Variants in MED14 observed in about 807,000 individuals in gnomAD.
MED14 encodes the protein mediator of RNA polymerase II transcription subunit 14.
In MED14, 8 loss-of-function variants were observed where a neutral mutation model predicts 109.0. That is an observed-to-expected ratio of 0.07 (90% CI 0.04 to 0.13). MED14 has a LOEUF of 0.13. Among genes scored for constraint, MED14 ranks in the 10% least tolerant of loss-of-function variants. MED14 has a pLI of 1.00. For missense variants in MED14, 711 were observed against 1,142.4 expected (o/e 0.62, Z 5.44); for synonymous variants, 399 against 408.7 (o/e 0.98, Z 0.29).
chrX:40,649,844 T>C lies in MED14; in HGVS notation c.*1962A>G. The C allele has an allele frequency of 1.3e-6, 1 of 790,505 alleles. No homozygotes were observed. The allele number at this position is 790,505 out of a possible 1,213,427, so 65.1% of individuals were successfully genotyped here. A position where few individuals can be genotyped will look rare whatever the true frequency, so the allele number is the denominator to read the frequency against. ...AGCATCAAAAGCAAATTTTGCGCAC[T>C]GAATCCTATCTTACTCTTGATTGGC... On this transcript the variant is annotated 3_prime_UTR_variant, in exon 31 of 31. Coordinates refer to ENST00000324817, the MANE Select transcript of MED14 (RefSeq NM_004229.4).
intron 22 of MED14, among the ~76,000 whole-genome samples, chrX:40,672,664 G>A (rs757085523): frequency 9.9e-5 from 11 of 111,654 alleles, no homozygotes; most frequent in African/African-American, 3.6e-4. Context: ...GGCAAATAAT[G>A]TTTGAATACC....
At chrX:40,659,716 C>T in intron 26 of MED14, 109 bp from the exon 27 acceptor site, 1 of 711,977 alleles carries the variant, frequency 1.4e-6, no homozygotes, top group Non-Finnish European at 2.0e-6. Context: ...TATTCCAAAA[C>T]AAAGGCACCT....
At chrX:40,713,159 C>A in intron 5 of MED14, 117 bp from the exon 6 acceptor site, 1 of 717,138 alleles carries the variant, frequency 1.4e-6, no homozygotes, top group South Asian at 4.5e-5. Flanking sequence ...ATTGAAGGTT[C>A]TTTCATAAGG....
intron 24 of MED14, 74 bp downstream of exon 24, chrX:40,666,646 G>T: frequency 9.3e-7 from 1 of 1,078,659 alleles, no homozygotes; most frequent in South Asian, 2.0e-5. Context: ...ATTTTGCAAT[G>T]AAAAAATTTA....
chrX:40,715,649 G>A (rs1025950940), intron 3 of MED14, among the ~76,000 whole-genome samples: 2 of 108,639 alleles, frequency 1.8e-5, no homozygotes, highest in Admixed American at 9.8e-5. Flanking sequence ...AGCTGGGCGC[G>A]GTGGCACGAG....
At chrX:40,706,131 C>T (rs1016168651) in intron 10 of MED14, among the ~76,000 whole-genome samples, 6 of 111,468 alleles carry the variant, frequency 5.4e-5, no homozygotes, top group Non-Finnish European at 1.1e-4. Context: ...GGTGACTGCG[C>T]TAAGGGATTC....
At chrX:40,692,140 A>G (rs1169920834) in intron 15 of MED14, 43 bp downstream of exon 15, 5 of 1,157,987 alleles carry the variant, frequency 4.3e-6, no homozygotes, top group Non-Finnish European at 5.8e-6. Flanking sequence ...TTTAAAAACT[A>G]CTCTTTCATT....
At chrX:40,727,593 TCAA>T (rs1427409691) in intron 2 of MED14, among the ~76,000 whole-genome samples, 1 of 111,831 alleles carries the variant, frequency 8.9e-6, no homozygotes, top group Non-Finnish European at 1.9e-5. Flanking sequence ...CTAATGTCAA[TCAA>T]CGTGTTAGCT....
At chrX:40,686,544 G>A (rs1042723628) in intron 16 of MED14, among the ~76,000 whole-genome samples, 1 of 111,529 alleles carries the variant, frequency 9.0e-6, no homozygotes, top group Non-Finnish European at 1.9e-5. Context: ...TTGTGGAAAT[G>A]TTGTTAAGAT....
At chrX:40,718,226 A>T (rs1931605090) in intron 3 of MED14, among the ~76,000 whole-genome samples, 2 of 112,420 alleles carry the variant, frequency 1.8e-5, no homozygotes, top group Non-Finnish European at 3.8e-5. Context: ...CTAACTTCTT[A>T]TTAACAGTCA....
In MED14 at chrX:40,680,105, T is replaced by C. The variant is rs1265491258; in HGVS notation, c.2639A>G (p.Asn880Ser). 2 of 1,209,627 alleles carry C rather than the reference T, an allele frequency of 1.7e-6. No individual in the cohort carries two copies. Among genetic ancestry groups the C allele is most frequent in the African/African-American group, 3.5e-5 (2 of 57,058 alleles). Residue 880 changes from asparagine (N) to serine (S), a missense_variant, in exon 21 of 31, where the codon AAT (asparagine) becomes AGT (serine). Coordinates refer to ENST00000324817, the MANE Select transcript of MED14 (RefSeq NM_004229.4). ...QVLFDTQAPL[N>S]AINKLPTVPM... is the part of the protein sequence containing the mutation. ...CACAGTGGGGAGTTTGTTGATGGCA[T>C]TTAATGGAGCCTGAGTATCAAACAG...
chrX:40,711,274 T>A lies in MED14; in HGVS notation c.917A>T (p.Glu306Val), dbSNP rs1931329379. ...CATTAGAGTTTGGGAATGTAACACT[T>A]CTAACTGAAGTGATAAACAGAAAGA... ...LHSFCLSLQL[E>V]VLHSQTLMLI... Residue 306 changes from glutamate to valine, a missense_variant, in exon 8 of 31, where the codon GAA (glutamate) becomes GTA (valine). Physicochemically the swap from Glu to Val is moderately radical, Grantham distance 121. Coordinates refer to ENST00000324817, the MANE Select transcript of MED14 (RefSeq NM_004229.4). The A allele has an allele frequency of 2.5e-6, 3 of 1,199,783 alleles. No homozygotes were observed. The highest frequency in any genetic ancestry group is 1.1e-6 in the Non-Finnish European group (1 of 886,850).
Position 40,664,490 on chromosome X carries a change from C to A in MED14, c.3266-1G>T. The A allele has an allele frequency of 9.4e-7, 1 of 1,059,250 alleles. No homozygotes were observed. 87.3% of individuals were successfully genotyped at this position (1,059,250 alleles called of 1,213,427 possible). On this transcript the variant is annotated splice_acceptor_variant, in intron 24 of 30. Transcript: ENST00000324817. LOFTEE classifies it high-confidence loss of function. ...TATGGGGAACTAGGGTCAAGAGTTC[C>A]TATAAAAAAGGTAAACAAATGATTC...
chrX:40,714,930 A>G (rs1884213554), intron 3 of MED14: 1 of 341,840 alleles, frequency 2.9e-6, no homozygotes, highest in South Asian at 7.2e-5. Flanking sequence ...ACTTTAAGTA[A>G]AAGCTTTCTA....
intron 10 of MED14, among the ~76,000 whole-genome samples, chrX:40,706,700 C>T (rs1931156422): frequency 8.9e-6 from 1 of 111,911 alleles, no homozygotes; most frequent in African/African-American, 3.2e-5. Flanking sequence ...GAACAGCACA[C>T]AAAACCATTC....
At chrX:40,714,049 T>C in intron 4 of MED14, 142 bp from the exon 5 acceptor site, 3 of 592,915 alleles carry the variant, frequency 5.1e-6, no homozygotes, top group Non-Finnish European at 7.6e-6. Context: ...ACAAAAACAA[T>C]GGCCATTACT....
At chrX:40,714,071 GAGC>G (rs745943162) in intron 4 of MED14, among the ~76,000 whole-genome samples, 164 bp from the exon 5 acceptor site, 321 of 111,245 alleles carry the variant, frequency 2.9e-3, no homozygotes, top group Middle Eastern at 9.3e-3. Context: ...TCATGCATAA[GAGC>G]AACAATGATT....
chrX:40,661,454 C>T (rs1223292063), intron 26 of MED14, among the ~76,000 whole-genome samples: 1 of 111,521 alleles, frequency 9.0e-6, no homozygotes, highest in Non-Finnish European at 1.9e-5. Flanking sequence ...TCAAGTGATC[C>T]GCCCGCCTCA....
chrX:40,697,337 T>G (rs1283776287), intron 12 of MED14, among the ~76,000 whole-genome samples, 154 bp from the exon 13 acceptor site: 1 of 112,275 alleles, frequency 8.9e-6, no homozygotes, highest in East Asian at 2.8e-4. Context: ...GACAAATCAT[T>G]TTTTCATAGT....
Sources: allele counts gnomAD v4.1 joint callset (sites outside exome capture counted in the v4.1 genomes callset), GRCh38; gene constraint gnomAD v4.1.1; transcripts MANE v1.5; gene names NCBI Gene and HGNC (gene_info 2026-07-23, HGNC 2026-07-21).